The following GPHN variants were observed in gnomAD, a reference collection of about 807,000 sequenced individuals.
The protein encoded by GPHN is gephyrin.
A neutral mutation model predicts 95.5 loss-of-function variants in GPHN; 17 were observed. The observed-to-expected ratio is 0.18, with a 90% confidence interval of 0.12 to 0.27. The LOEUF is 0.27. Ranked by LOEUF, GPHN falls within the 10% of genes least tolerant of loss-of-function variation. GPHN has a pLI of 1.00. For synonymous variants in GPHN, 320 were observed against 322.5 expected (o/e 0.99, Z 0.08); for missense variants, 660 against 978.1 (o/e 0.67, Z 4.34).
At chr14:67,333,768 T>C in the GPHN span, 3 of 152,614 alleles carry the variant, frequency 2.0e-5, no homozygotes, top group Admixed American at 6.5e-5. Context: ...ATAGAATGTA[T>C]GTTACATTTT....
chr14:66,587,991 C>T (rs755155343), intron 1 of GPHN, among the ~76,000 whole-genome samples: 12 of 152,092 alleles, frequency 7.9e-5, no homozygotes, highest in Admixed American at 2.0e-4. Flanking sequence ...AGGAGAGCTC[C>T]GGGTGGCATC....
At position 66,968,527 on chromosome 14, in the gene GPHN, C is replaced by T. The variant is rs911620734; in HGVS notation, c.963+3202C>T. On this transcript the variant is annotated intron_variant, in intron 9 of 22. Transcript: ENST00000478722. The stretch of plus-strand genomic sequence containing the variant: ...ATTTTCATGCACAGAAATGTATGTG[C>T]AAACGTATTTTGTCTACATCAGAAA... Among the ~76,000 whole-genome samples the T allele has an allele frequency of 6.6e-5, 10 of 152,084 alleles. 1 individual carries two copies. The highest frequency in any genetic ancestry group is 4.6e-4 in the Admixed American group (7 of 15,272).
chr14:67,417,600 TA>T, the GPHN span, among the ~76,000 whole-genome samples: 6 of 148,236 alleles, frequency 4.0e-5, no homozygotes, highest in Non-Finnish European at 8.8e-5. Flanking sequence ...CTTGGTTAAT[TA>T]AAAAAAATTT....
At chr14:66,868,497 G>A (rs1284824991) in intron 4 of GPHN, among the ~76,000 whole-genome samples, 2 of 152,024 alleles carry the variant, frequency 1.3e-5, no homozygotes, top group African/African-American at 2.4e-5. Context: ...GGGTTCAAGC[G>A]ATTCTCCTAC....
chr14:66,552,281 T>G (rs1417291175), intron 1 of GPHN, among the ~76,000 whole-genome samples: 1 of 152,228 alleles, frequency 6.6e-6, no homozygotes, highest in African/African-American at 2.4e-5. Flanking sequence ...CCATCTCATT[T>G]TCTAACTCAT....
the GPHN span, chr14:67,199,738 A>G: frequency 6.4e-7 from 1 of 1,568,434 alleles, no homozygotes; most frequent in Non-Finnish European, 8.7e-7. Flanking sequence ...CTGTGGTATC[A>G]TCATTGGGGT....
At chr14:66,634,872 A>G (rs1370708699) in intron 1 of GPHN, among the ~76,000 whole-genome samples, 1 of 152,206 alleles carries the variant, frequency 6.6e-6, no homozygotes, top group Non-Finnish European at 1.5e-5. Flanking sequence ...CTACTATTAG[A>G]CATGTACCCC....
At chr14:66,688,584 A>C (rs1011114205) in intron 2 of GPHN, among the ~76,000 whole-genome samples, 1 of 152,150 alleles carries the variant, frequency 6.6e-6, no homozygotes, top group Non-Finnish European at 1.5e-5. Context: ...ATCAGTTCTA[A>C]GAGTCTTTGA....
chr14:67,454,593 C>T, the GPHN span: 1 of 152,196 alleles, frequency 6.6e-6, no homozygotes, highest in Non-Finnish European at 1.5e-5. Flanking sequence ...ATGGGCATCT[C>T]TCATGTCCCT....
chr14:67,499,621 G>A, the GPHN span, among the ~76,000 whole-genome samples: 1 of 152,158 alleles, frequency 6.6e-6, no homozygotes, highest in African/African-American at 2.4e-5. Flanking sequence ...GTATGTAAGA[G>A]GATGCTTTAG....
intron 1 of GPHN, among the ~76,000 whole-genome samples, chr14:66,585,416 C>G (rs1364413259): frequency 1.3e-5 from 2 of 152,086 alleles, no homozygotes; most frequent in Non-Finnish European, 2.9e-5. Context: ...TTATTTATTT[C>G]TTGCATTCTG....
intron 4 of GPHN, among the ~76,000 whole-genome samples, chr14:66,864,106 A>C (rs1422915823): frequency 6.6e-6 from 1 of 152,224 alleles, no homozygotes; most frequent in Non-Finnish European, 1.5e-5. Flanking sequence ...AGAAGCTCAA[A>C]CAACTCTATA....
the GPHN span, among the ~76,000 whole-genome samples, chr14:67,298,250 T>G: frequency 1.8e-4 from 27 of 152,260 alleles, no homozygotes; most frequent in African/African-American, 6.5e-4. Flanking sequence ...AGTAATTTAT[T>G]AGTATCAAGT....
chr14:67,295,258 G>T, the GPHN span, among the ~76,000 whole-genome samples: 1 of 151,824 alleles, frequency 6.6e-6, no homozygotes, highest in Non-Finnish European at 1.5e-5. Context: ...GCCAAGGCGG[G>T]TGGATCATTT....
At chr14:67,071,494 G>C (rs1196799586) in intron 11 of GPHN, among the ~76,000 whole-genome samples, 2 of 151,430 alleles carry the variant, frequency 1.3e-5, no homozygotes, top group Non-Finnish European at 2.9e-5. Context: ...GGGATGGGGG[G>C]AGTGGGGAGG....
the GPHN span, among the ~76,000 whole-genome samples, chr14:67,362,876 C>T: frequency 6.6e-6 from 1 of 152,156 alleles, no homozygotes; most frequent in East Asian, 1.9e-4. Flanking sequence ...CTATGAATAA[C>T]ATACCATCAA....
At chr14:66,534,405 A>T (rs535113348) in intron 1 of GPHN, among the ~76,000 whole-genome samples, 1 of 152,016 alleles carries the variant, frequency 6.6e-6, no homozygotes, top group Non-Finnish European at 1.5e-5. Context: ...TTCGTTTATT[A>T]TGGTTATGAC....
intron 9 of GPHN, among the ~76,000 whole-genome samples, chr14:67,006,447 A>G (rs2072616983): frequency 6.6e-6 from 1 of 152,134 alleles, no homozygotes; most frequent in African/African-American, 2.4e-5. Context: ...CAGCAATTAA[A>G]TCTAATTCTG....
chr14:67,201,060 A>G, the GPHN span, among the ~76,000 whole-genome samples: 1 of 152,178 alleles, frequency 6.6e-6, no homozygotes, highest in Non-Finnish European at 1.5e-5. Flanking sequence ...CTTTGAAAGG[A>G]CAAGGCAGGA....
Sources: allele counts gnomAD v4.1 joint callset (sites outside exome capture counted in the v4.1 genomes callset), GRCh38; gene constraint gnomAD v4.1.1; transcripts MANE v1.5; gene names NCBI Gene and HGNC (gene_info 2026-07-23, HGNC 2026-07-21).